The following FHAD1 variants were observed in gnomAD, a reference collection of about 807,000 sequenced individuals.
The protein encoded by FHAD1 is forkhead associated phosphopeptide binding domain 1.
In FHAD1, 146 loss-of-function variants were observed where a neutral mutation model predicts 191.3. The ratio of observed to expected loss-of-function variants is 0.76; its 90% CI spans 0.67 to 0.88. The LOEUF is 0.88. Among genes scored for constraint, FHAD1 ranks in the 40% least tolerant of loss-of-function variants. The probability of loss-of-function intolerance (pLI) is 0.00; values close to 1 mark genes in which losing one functional copy is unlikely to be tolerated. For synonymous variants in FHAD1, 616 were observed against 672.3 expected (o/e 0.92, Z 1.29); for missense variants, 1,635 against 1,785.8 (o/e 0.92, Z 1.52).
rs570490470 is a variant in FHAD1, at chr1:15,381,708, C to T, written c.4022+257C>T. On this transcript the variant is annotated intron_variant, in intron 30 of 33. Transcript: ENST00000688493. This position sits in a 1 kb window ranked among gnomAD's most constrained non-coding sequence, Gnocchi z 4.6. ...TTTTCTGTGCAAGCTGCACCTCTTG[C>T]GACCCTTGACTTATGGTTTCCCAGT... Among the ~76,000 whole-genome samples the T allele has an allele frequency of 6.0e-5, 9 of 151,222 alleles. No homozygotes were observed. The South Asian group carries it at 1.3e-3, about 22-fold the overall frequency.
rs1261428887 is a variant in FHAD1 at position 15,329,567 on chromosome 1, G to A, written c.1906+26G>A. On this transcript the variant is annotated intron_variant, in intron 14 of 33. Transcript: ENST00000688493. This position sits in a 1 kb window ranked among gnomAD's most constrained non-coding sequence, Gnocchi z 5.0. ...GTTACTGGGACTTTTTTTCTCACAT[G>A]GTTGCATGACTCTAAAATGTCGCGT... is the stretch of plus-strand genomic sequence containing the variant. 10 of 1,544,752 alleles carry A rather than the reference G, an allele frequency of 6.5e-6. No individual in the cohort carries two copies. The highest frequency in any genetic ancestry group is 8.8e-6 in the Non-Finnish European group (10 of 1,141,600).
At chr1:15,243,362 C>T (rs1371498105), upstream of FHAD1, among the ~76,000 whole-genome samples, 4 of 152,156 alleles carry the variant, frequency 2.6e-5, no homozygotes, top group Non-Finnish European at 1.5e-5. Flanking sequence ...CTCTGTCATC[C>T]GTCACCCTGC....
At chr1:15,322,972 G>A (rs509161) in intron 10 of FHAD1, among the ~76,000 whole-genome samples, 95,105 of 151,980 alleles carry the variant, frequency 0.63, 30,644 homozygotes, top group Middle Eastern at 0.72. Context: ...CTTACATGGC[G>A]GTGGCAAGGG....
intron 18 of FHAD1, among the ~76,000 whole-genome samples, chr1:15,346,477 T>C (rs1688959291): frequency 6.6e-6 from 1 of 152,184 alleles, no homozygotes; most frequent in East Asian, 1.9e-4. Flanking sequence ...TTGGTATCTG[T>C]CCGGGCTTCA....
Position 15,366,687 on chromosome 1 carries a change from C to T in FHAD1, c.3154+754C>T, listed in dbSNP as rs532275888. On this transcript the variant is annotated intron_variant, in intron 24 of 33. Transcript: ENST00000688493. Reference sequence around the variant, plus strand: ...CAGATGCCAAGTAGAGACAACACACCTTCTTCCTACGGTTGACATGGACAT... The same window carrying T: ...CAGATGCCAAGTAGAGACAACACACTTTCTTCCTACGGTTGACATGGACAT... Among the ~76,000 whole-genome samples, 11 of 152,298 alleles carry T rather than the reference C, an allele frequency of 7.2e-5. No homozygotes were observed. In the East Asian group the frequency reaches 1.7e-3, roughly 24 times the overall value.
rs935651666 is a variant in FHAD1, at chr1:15,289,827, A to G, written c.568+161A>G. 1.3e-5 allele frequency among the ~76,000 whole-genome samples: 2 copies of G among 152,216 alleles called. No individual in the cohort carries two copies. The highest frequency in any genetic ancestry group is 4.8e-5 in the African/African-American group (2 of 41,454). ...CAGAAAGTAAGAAAACAGTTAAAAA[A>G]TCAGCCGTAATCCTTATCCCCAGGG... is the stretch of plus-strand genomic sequence containing the variant. On this transcript the variant is annotated intron_variant, in intron 4 of 33. Transcript: ENST00000688493. The surrounding 1 kb of genome is among the most constrained non-coding windows in gnomAD (Gnocchi z 4.2).
chr1:15,373,031 G>C (rs1482500724), intron 26 of FHAD1, among the ~76,000 whole-genome samples: 10 of 152,154 alleles, frequency 6.6e-5, no homozygotes, highest in Admixed American at 6.5e-4. Context: ...TCAATAAATC[G>C]ATGTGAGATG....
chr1:15,340,821 G>A (rs1183212616), intron 15 of FHAD1, among the ~76,000 whole-genome samples: 1 of 152,106 alleles, frequency 6.6e-6, no homozygotes, highest in African/African-American at 2.4e-5. Flanking sequence ...CTCTGCTATG[G>A]TAAAATGAAA....
chr1:15,342,635 G>A (rs1057248029), intron 16 of FHAD1, among the ~76,000 whole-genome samples: 1 of 152,116 alleles, frequency 6.6e-6, no homozygotes. Flanking sequence ...TATTTAATGA[G>A]CTGATTCTCA....
Position 15,361,782 on chromosome 1 carries a change from G to A in FHAD1, c.2963-860G>A, listed in dbSNP as rs1694885480. On this transcript the variant is annotated intron_variant, in intron 22 of 33. Coordinates refer to ENST00000688493, the MANE Select transcript of FHAD1 (RefSeq NM_001391957.1). ...AGCACTTCCGGAGGCCGAGGCCGGCGGATCACTAGGCCAAGAGATCGAGAC... is the reference window on the plus strand; with the variant it reads ...AGCACTTCCGGAGGCCGAGGCCGGCAGATCACTAGGCCAAGAGATCGAGAC... 4.0e-5 allele frequency among the ~76,000 whole-genome samples: 6 copies of A among 151,504 alleles called. No homozygotes were observed. The South Asian group carries it at 8.4e-4, about 21-fold the overall frequency.
At chr1:15,349,606 C>CT (rs1213325526) in intron 19 of FHAD1, among the ~76,000 whole-genome samples, 1 of 152,254 alleles carries the variant, frequency 6.6e-6, no homozygotes, top group African/African-American at 2.4e-5. Context: ...GCCCGGCCTC[C>CT]TGGTGTCATG....
Position 15,362,664 on chromosome 1 carries a change from A to G in FHAD1, c.2985A>G (p.Gln995=). The part of the protein sequence containing the change: ...NDPAPKEERP[Q]DPLVAPMTES... Reference sequence around the variant, plus strand: ...CAGCCCCAAAGGAGGAAAGGCCGCAAGACCCTCTGGTGGCTCCCATGACAG... The same window carrying G: ...CAGCCCCAAAGGAGGAAAGGCCGCAGGACCCTCTGGTGGCTCCCATGACAG... Residue 995 remains glutamine, a synonymous_variant, in exon 23 of 34, where the codon CAA becomes CAG. Transcript: ENST00000688493. 3.9e-6 allele frequency: 6 copies of G among 1,551,822 alleles called. No homozygotes were observed. The highest frequency in any genetic ancestry group is 5.2e-6 in the Non-Finnish European group (6 of 1,147,008).
chr1:15,272,227 G>A, intron 2 of FHAD1, 96 bp from the exon 3 acceptor site: 2 of 1,085,192 alleles, frequency 1.8e-6, no homozygotes, highest in Non-Finnish European at 2.7e-6. Flanking sequence ...GTGATGATCT[G>A]GCGGCGGCAA....
rs1671304758 is a variant in FHAD1, at chr1:15,308,650, G to A, written c.953G>A (p.Cys318Tyr). 1 of 1,551,750 alleles carries A rather than the reference G, an allele frequency of 6.4e-7. No individual in the cohort carries two copies. Among genetic ancestry groups the A allele is most frequent in the Non-Finnish European group, 8.7e-7 (1 of 1,147,004 alleles). Residue 318 changes from cysteine (C) to tyrosine (Y), a missense_variant, in exon 7 of 34, where the codon TGC (cysteine) becomes TAC (tyrosine). Physicochemically the swap from Cys to Tyr is radical, Grantham distance 194. Coordinates refer to ENST00000688493, the MANE Select transcript of FHAD1 (RefSeq NM_001391957.1). ...ALQKGYSKVL[C>Y]QTLSERNSEI... Reference sequence around the variant, plus strand: ...CAGAAAGGCTACAGCAAGGTGCTGTGCCAGACCCTGTCAGAGCGGAACTCA... The same window carrying A: ...CAGAAAGGCTACAGCAAGGTGCTGTACCAGACCCTGTCAGAGCGGAACTCA...
intron 3 of FHAD1, among the ~76,000 whole-genome samples, chr1:15,280,132 A>G (rs1363358226): frequency 6.6e-6 from 1 of 152,126 alleles, no homozygotes; most frequent in African/African-American, 2.4e-5. Flanking sequence ...TCCCATCTTC[A>G]TGGGACCGTT....
intron 27 of FHAD1, 32 bp downstream of exon 27, chr1:15,374,663 G>C: frequency 6.5e-7 from 1 of 1,549,252 alleles, no homozygotes; most frequent in Non-Finnish European, 8.7e-7. Context: ...CAGAGCAGTG[G>C]ACCCCAGACT....
intron 2 of FHAD1, among the ~76,000 whole-genome samples, chr1:15,263,076 T>C (rs975798029): frequency 6.6e-6 from 1 of 152,260 alleles, no homozygotes; most frequent in Non-Finnish European, 1.5e-5. Context: ...TCTTCTCATA[T>C]ACTTGTTGGC....
chr1:15,241,089 G>A (rs569852129), intron 1 of FHAD1, among the ~76,000 whole-genome samples: 52 of 152,262 alleles, frequency 3.4e-4, no homozygotes, highest in Non-Finnish European at 6.5e-4. Context: ...ACAGGACCGT[G>A]CTGAGCCCTG....
At position 15,276,631 on chromosome 1, in the gene FHAD1, T is replaced by C. The variant is rs1658482033; in HGVS notation, c.300+4102T>C. 6.6e-6 allele frequency among the ~76,000 whole-genome samples: 1 copy of C among 152,132 alleles called. No individual in the cohort carries two copies. The highest frequency in any genetic ancestry group is 1.5e-5 in the Non-Finnish European group (1 of 68,030). ...GCCTGGCCAACATAGTGAAACCCCATGTCTACCCAAAACACAAAAAATTAG... is the reference window on the plus strand; with the variant it reads ...GCCTGGCCAACATAGTGAAACCCCACGTCTACCCAAAACACAAAAAATTAG... On this transcript the variant is annotated intron_variant, in intron 3 of 33. Transcript: ENST00000688493. The surrounding 1 kb of genome is among the most constrained non-coding windows in gnomAD (Gnocchi z 4.7).
Sources: gnomAD v4.1 joint callset for allele counts (sites outside exome capture counted in the v4.1 genomes callset) on GRCh38, gnomAD v4.1.1 for gene constraint, Gnocchi (gnomAD v3.1) non-coding constraint, MANE v1.5 for transcripts, NCBI Gene and HGNC (gene_info 2026-07-23, HGNC 2026-07-21) for gene names.